The following TRIM43 variants were observed in gnomAD, a reference collection of about 807,000 sequenced individuals.
TRIM43 encodes tripartite motif containing 43, also known as tripartite motif-containing protein 43.
Under a neutral mutation model 27.7 loss-of-function variants are expected in TRIM43, and 12 were observed. The observed-to-expected ratio is 0.43, with a 90% confidence interval of 0.28 to 0.70. The LOEUF (loss-of-function observed/expected upper bound fraction) is 0.70, where lower values mean the gene tolerates loss of function less well. TRIM43 is among the 30% of genes least tolerant of loss of function. TRIM43 has a pLI of 0.17. For synonymous variants in TRIM43, 64 were observed against 121.9 expected, an observed-to-expected ratio of 0.52 and a Z score of 3.13; for missense variants, 186 against 356.5, an observed-to-expected ratio of 0.52 and a Z score of 3.85.
In TRIM43 at chr2:95,595,131, G is replaced by A; in HGVS notation, c.493G>A (p.Ala165Thr). ...QRNLYEEGRT[A>T]FLWRGNVVLR... The stretch of plus-strand genomic sequence containing the variant: ...AAATCTATATGAGGAGGGAAGAACA[G>A]CCTTCCTCTGGAGGGTAAGTATGAG... The change falls in exon 3 of 7, where the codon GCC becomes ACC. Residue 165 changes from alanine (A) to threonine (T), a missense_variant. Around this residue, in one of 6 missense-constraint regions of TRIM43, gnomAD observed 91 missense variants for 119.3 expected, o/e 0.76. Coordinates refer to ENST00000272395, the MANE Select transcript of TRIM43 (RefSeq NM_138800.3). 6.2e-7 allele frequency: 1 copy of A among 1,611,874 alleles called. No homozygotes were observed. Among genetic ancestry groups the A allele is most frequent in the Non-Finnish European group, 8.5e-7 (1 of 1,178,890 alleles).
At position 95,594,979 on chromosome 2, in the gene TRIM43, T is replaced by C. The variant is rs3967806; in HGVS notation, c.412-71T>C. 464 of 1,525,520 alleles carry C rather than the reference T, an allele frequency of 3.0e-4. 2 individuals carry two copies. The highest frequency in any genetic ancestry group is 1.0e-3 in the Middle Eastern group (6 of 5,838). The allele number at this position is 1,525,520 out of a possible 1,614,324, so 94.5% of individuals were successfully genotyped here. A position where few individuals can be genotyped will look rare whatever the true frequency, so the allele number is the denominator to read the frequency against. On this transcript the variant is annotated intron_variant, in intron 2 of 6. Coordinates refer to ENST00000272395, the MANE Select transcript of TRIM43 (RefSeq NM_138800.3). ...GTATTTATATATTATCCCTTGCCTG[T>C]GTATACCACTCAGATTGTGGAATCT...
intron 1 of TRIM43, among the ~76,000 whole-genome samples, chr2:95,593,121 G>T (rs867478452): frequency 9.9e-5 from 15 of 151,610 alleles, no homozygotes; most frequent in South Asian, 2.1e-4. Context: ...ATGGTCTTGA[G>T]CTCGTGACAT....
chr2:95,592,373 GTTTA>G (rs989644465), intron 1 of TRIM43, among the ~76,000 whole-genome samples: 2 of 151,528 alleles, frequency 1.3e-5, no homozygotes, highest in African/African-American at 4.9e-5. Flanking sequence ...TTATTTATTT[GTTTA>G]TTTATTTATT....
intron 1 of TRIM43, among the ~76,000 whole-genome samples, chr2:95,592,998 G>C (rs1215421966): frequency 6.6e-6 from 1 of 151,068 alleles, no homozygotes; most frequent in African/African-American, 2.4e-5. Context: ...CCGGGTTCAC[G>C]CCATTCTCCA....
chr2:95,592,828 T>A (rs1395382196), intron 1 of TRIM43, among the ~76,000 whole-genome samples: 15 of 150,432 alleles, frequency 1.0e-4, no homozygotes, highest in East Asian at 3.9e-4. Context: ...GCTTGGTTTT[T>A]ATTTTTATTT....
In TRIM43 at chr2:95,594,980, G is replaced by T. The variant is rs3967805; in HGVS notation, c.412-70G>T. 3.0e-4 allele frequency: 463 copies of T among 1,532,458 alleles called. 2 individuals carry two copies. Among genetic ancestry groups the T allele is most frequent in the Middle Eastern group, 1.0e-3 (6 of 5,844 alleles). The allele number at this position is 1,532,458 out of a possible 1,614,324, so 94.9% of individuals were successfully genotyped here. The stretch of plus-strand genomic sequence containing the variant: ...TATTTATATATTATCCCTTGCCTGT[G>T]TATACCACTCAGATTGTGGAATCTT... On this transcript the variant is annotated intron_variant, in intron 2 of 6. Transcript: ENST00000272395.
chr2:95,596,557 G>A (rs1573642936), intron 4 of TRIM43, 125 bp downstream of exon 4: 20 of 1,369,534 alleles, frequency 1.5e-5, no homozygotes, highest in East Asian at 7.5e-5. Flanking sequence ...CATTCCCACC[G>A]GTTATAGAGA....
Position 95,596,402 on chromosome 2 carries a change from G to C in TRIM43, c.708G>C (p.Met236Ile). Residue 236 changes from methionine (M) to isoleucine (I), a missense_variant, in exon 4 of 7, where the codon ATG becomes ATC. Transcript: ENST00000272395. ...AAATGTATCAGGAACTAATGGAAATGTGTCATAAACCAGATGTGGAGCTGC... is the reference window on the plus strand; with the variant it reads ...AAATGTATCAGGAACTAATGGAAATCTGTCATAAACCAGATGTGGAGCTGC... ...LKEMYQELMEMCHKPDVELLQ... is the reference protein window; with the variant it reads ...LKEMYQELMEICHKPDVELLQ... 5 of 1,603,762 alleles carry C rather than the reference G, an allele frequency of 3.1e-6. No homozygotes were observed. Among genetic ancestry groups the C allele is most frequent in the South Asian group, 1.1e-5 (1 of 90,052 alleles).
At chr2:95,594,746 A>C (rs928349039) in intron 2 of TRIM43, among the ~76,000 whole-genome samples, 6 of 150,996 alleles carry the variant, frequency 4.0e-5, no homozygotes, top group African/African-American at 1.5e-4. Context: ...ATTACTGGAC[A>C]AATGAGTATG....
intron 1 of TRIM43, among the ~76,000 whole-genome samples, chr2:95,593,222 G>T (rs1203199280): frequency 2.0e-5 from 3 of 151,878 alleles, no homozygotes; most frequent in African/African-American, 7.3e-5. Context: ...GCCTGTTATT[G>T]CATGATACTT....
At chr2:95,594,647 A>T (rs1005034895) in intron 2 of TRIM43, among the ~76,000 whole-genome samples, 1 of 150,478 alleles carries the variant, frequency 6.6e-6, no homozygotes, top group Non-Finnish European at 1.5e-5. Flanking sequence ...AAATGTCATT[A>T]TTATTGACTC....
At chr2:95,595,819 G>A (rs528302935) in intron 3 of TRIM43, among the ~76,000 whole-genome samples, 28 of 151,150 alleles carry the variant, frequency 1.9e-4, no homozygotes, top group African/African-American at 6.3e-4. Context: ...TTTGTGTGAT[G>A]GCTTCTGATC....
At position 95,594,834 on chromosome 2, in the gene TRIM43, G is replaced by A. The variant is rs1317723377; in HGVS notation, c.412-216G>A. On this transcript the variant is annotated intron_variant, in intron 2 of 6. Coordinates refer to ENST00000272395, the MANE Select transcript of TRIM43 (RefSeq NM_138800.3). ...TGTTTCCCTGAACTAATTTAGCTGG[G>A]TTACAGGAAATCTTCACTCTTCAGT... 1.3e-5 allele frequency among the ~76,000 whole-genome samples: 2 copies of A among 151,528 alleles called. 1 individual carries two copies. The highest frequency in any genetic ancestry group is 2.9e-5 in the Non-Finnish European group (2 of 67,924).
rs1351274778 is a variant in TRIM43 at position 95,592,022 on chromosome 2, A to G, written c.-132A>G. ...GCTCATTCTTCTCCAGAGCCCACAG[A>G]GTAGCTTTGCAACTGGCTTTGGGGA... On this transcript the variant is annotated 5_prime_UTR_variant, in exon 1 of 7. Transcript: ENST00000272395. 1 of 151,174 alleles carries G rather than the reference A, an allele frequency of 6.6e-6. No individual in the cohort carries two copies. The allele number at this position is 151,174 out of a possible 1,614,324, so 9.4% of individuals were successfully genotyped here. A position where few individuals can be genotyped will look rare whatever the true frequency, so the allele number is the denominator to read the frequency against.
Position 95,596,302 on chromosome 2 carries a change from A to G in TRIM43, c.608A>G (p.Lys203Arg). The G allele has an allele frequency of 6.2e-7, 1 of 1,608,808 alleles. No individual in the cohort carries two copies. Among genetic ancestry groups the G allele is most frequent in the Non-Finnish European group, 8.5e-7 (1 of 1,177,316 alleles). The change falls in exon 4 of 7, where the codon AAG becomes AGG. Residue 203 changes from lysine to arginine, a missense_variant. By Grantham distance (26) the Lys-to-Arg change is conservative. Around this residue, in one of 6 missense-constraint regions of TRIM43, gnomAD observed 91 missense variants for 119.3 expected, o/e 0.76. Transcript: ENST00000272395. ...EEKQHLERLN[K>R]EYQEIFQQLQ... ...AAACAACATTTAGAGAGACTGAACA[A>G]GGAATACCAAGAGATTTTTCAGCAA...
intron 3 of TRIM43, 84 bp downstream of exon 3, chr2:95,595,229 C>T (rs905435882): frequency 1.0e-6 from 1 of 1,001,664 alleles, no homozygotes; most frequent in South Asian, 1.8e-5. Context: ...AGTTGAAATT[C>T]TTATGCCAGA....
At chr2:95,592,721 A>C (rs1685277329) in intron 1 of TRIM43, among the ~76,000 whole-genome samples, 1 of 150,760 alleles carries the variant, frequency 6.6e-6, no homozygotes, top group Non-Finnish European at 1.5e-5. Context: ...TGATCTAGAC[A>C]CTTTGCCGTG....
chr2:95,593,456 C>G (rs535777253), intron 1 of TRIM43, among the ~76,000 whole-genome samples: 2 of 151,598 alleles, frequency 1.3e-5, no homozygotes, highest in Non-Finnish European at 2.9e-5. Context: ...TGGAGAGGTG[C>G]CTTACCTTGA....
At position 95,599,724 on chromosome 2, in the gene TRIM43, C is replaced by G; in HGVS notation, c.*151C>G. The G allele has an allele frequency of 1.5e-6, 2 of 1,355,788 alleles. No homozygotes were observed. Among genetic ancestry groups the G allele is most frequent in the South Asian group, 3.1e-5 (2 of 63,756 alleles). 84.0% of individuals were successfully genotyped at this position (1,355,788 alleles called of 1,614,324 possible). ...AATAAAAAATTTGTAAAAGGCAAAACTTTTTGTACATTTTCTTACAATTAA... is the reference window on the plus strand; with the variant it reads ...AATAAAAAATTTGTAAAAGGCAAAAGTTTTTGTACATTTTCTTACAATTAA... On this transcript the variant is annotated 3_prime_UTR_variant, in exon 7 of 7. Transcript: ENST00000272395.
Sources: allele counts gnomAD v4.1 joint callset (sites outside exome capture counted in the v4.1 genomes callset), GRCh38; gene constraint gnomAD v4.1.1; regional missense constraint gnomAD v4.1.1; transcripts MANE v1.5; gene names NCBI Gene and HGNC (gene_info 2026-07-23, HGNC 2026-07-21).